The following CHST8 variants were observed in gnomAD, a reference collection of about 807,000 sequenced individuals.
CHST8 encodes the protein GALNAC-4-ST1.
In CHST8, 10 loss-of-function variants were observed where a neutral mutation model predicts 15.0. The observed-to-expected ratio is 0.67, with a 90% confidence interval of 0.41 to 1.13. The LOEUF (loss-of-function observed/expected upper bound fraction) is 1.13, where lower values mean the gene tolerates loss of function less well. Ranked by LOEUF, CHST8 falls within the 50% of genes most tolerant of loss-of-function variation. The pLI, the probability that CHST8 is intolerant of heterozygous loss-of-function variation, is 0.00. For missense variants in CHST8, 634 were observed against 608.2 expected (o/e 1.04, Z -0.45); for synonymous variants, 259 against 256.6 (o/e 1.01, Z -0.09).
chr19:33,727,021 G>A (rs771780016), intron 3 of CHST8, among the ~76,000 whole-genome samples: 8 of 151,852 alleles, frequency 5.3e-5, no homozygotes, highest in Non-Finnish European at 1.0e-4. Flanking sequence ...CACTTTCGCT[G>A]ATGCCTGATC....
intron 2 of CHST8, among the ~76,000 whole-genome samples, chr19:33,678,324 C>G (rs559375436): frequency 6.6e-6 from 1 of 152,296 alleles, no homozygotes; most frequent in East Asian, 1.9e-4. Flanking sequence ...TAAATGAGAC[C>G]TGTTTTTCCA....
chr19:33,660,733 A>G (rs1801741115), intron 1 of CHST8, among the ~76,000 whole-genome samples: 1 of 152,102 alleles, frequency 6.6e-6, no homozygotes, highest in Non-Finnish European at 1.5e-5. Context: ...CCTCCTTTCA[A>G]TTTCAGTTTG....
chr19:33,763,652 G>T (rs981378119), intron 3 of CHST8, among the ~76,000 whole-genome samples: 2 of 152,262 alleles, frequency 1.3e-5, no homozygotes, highest in African/African-American at 4.8e-5. Flanking sequence ...TGAAGCCCTT[G>T]GGTGAGGCTT....
chr19:33,628,469 A>C (rs1972084714), intron 1 of CHST8, among the ~76,000 whole-genome samples: 1 of 152,208 alleles, frequency 6.6e-6, no homozygotes, highest in Admixed American at 6.5e-5. Flanking sequence ...TTCCCCTCAG[A>C]CATTGGTCTG....
intron 3 of CHST8, among the ~76,000 whole-genome samples, chr19:33,748,975 C>T (rs576065387): frequency 1.3e-5 from 2 of 152,122 alleles, no homozygotes; most frequent in African/African-American, 2.4e-5. Context: ...ACCCAACAGG[C>T]GCACACCCCT....
chr19:33,625,707 C>CA (rs2145430685), intron 1 of CHST8, among the ~76,000 whole-genome samples: 1 of 151,952 alleles, frequency 6.6e-6, no homozygotes, highest in East Asian at 2.0e-4. Flanking sequence ...ACTAAAAAGA[C>CA]AAAAATTAGC....
intron 3 of CHST8, among the ~76,000 whole-genome samples, chr19:33,757,478 GA>G (rs58913278): frequency 2.3e-5 from 1 of 42,796 alleles, no homozygotes; most frequent in Non-Finnish European, 4.7e-5. Context: ...AAGAAAGAAA[GA>G]AAGAAAGAAA....
At chr19:33,665,966 T>C (rs1972653148) in intron 1 of CHST8, among the ~76,000 whole-genome samples, 2 of 152,244 alleles carry the variant, frequency 1.3e-5, no homozygotes. Flanking sequence ...TCTCTGCAGC[T>C]GGAGGCCGAA....
intron 3 of CHST8, among the ~76,000 whole-genome samples, chr19:33,758,014 C>T (rs1399891788): frequency 1.3e-5 from 2 of 152,156 alleles, no homozygotes; most frequent in African/African-American, 4.8e-5. Context: ...TGCAGCTATC[C>T]AGACCCTCGG....
intron 1 of CHST8, among the ~76,000 whole-genome samples, chr19:33,635,326 G>A (rs1015259891): frequency 6.6e-6 from 1 of 152,190 alleles, no homozygotes; most frequent in African/African-American, 2.4e-5. Context: ...TACTGGGAAA[G>A]CAGGATGGCC....
intron 3 of CHST8, among the ~76,000 whole-genome samples, chr19:33,705,860 G>C (rs992166659): frequency 2.6e-5 from 4 of 152,176 alleles, no homozygotes; most frequent in African/African-American, 4.8e-5. Context: ...AGGGACCCAA[G>C]AGTCCTGAGA....
intron 1 of CHST8, among the ~76,000 whole-genome samples, chr19:33,625,584 A>C (rs1026901885): frequency 2.6e-4 from 39 of 152,072 alleles, no homozygotes; most frequent in Admixed American, 8.5e-4. Context: ...AAGATCGGCC[A>C]GGCACGGTGG....
At chr19:33,768,598 T>C (rs543363852) in intron 3 of CHST8, among the ~76,000 whole-genome samples, 29 of 152,170 alleles carry the variant, frequency 1.9e-4, no homozygotes, top group African/African-American at 6.7e-4. Context: ...ATAACAGGCA[T>C]GCACCACCAC....
At chr19:33,638,945 G>A (rs1248606029) in intron 1 of CHST8, among the ~76,000 whole-genome samples, 2 of 151,994 alleles carry the variant, frequency 1.3e-5, no homozygotes, top group East Asian at 1.9e-4. Context: ...GCATGGCTGG[G>A]GATCAGAAGA....
At chr19:33,767,771 AG>A (rs1974880798) in intron 3 of CHST8, among the ~76,000 whole-genome samples, 1 of 152,084 alleles carries the variant, frequency 6.6e-6, no homozygotes, top group African/African-American at 2.4e-5. Context: ...ATTCTGTCGC[AG>A]GGGTGGAGGT....
intron 3 of CHST8, among the ~76,000 whole-genome samples, chr19:33,732,148 G>A (rs1440911022): frequency 2.0e-5 from 3 of 152,176 alleles, no homozygotes; most frequent in African/African-American, 7.2e-5. Flanking sequence ...GCCGCCCCCT[G>A]AGGCTCATGA....
intron 2 of CHST8, among the ~76,000 whole-genome samples, chr19:33,670,431 G>A (rs1210445943): frequency 6.6e-6 from 1 of 152,230 alleles, no homozygotes; most frequent in Non-Finnish European, 1.5e-5. Context: ...GGCATACTCA[G>A]CAGACATGAT....
intron 1 of CHST8, among the ~76,000 whole-genome samples, chr19:33,649,878 T>G (rs1053721262): frequency 8.5e-5 from 13 of 152,160 alleles, no homozygotes; most frequent in Admixed American, 6.5e-5. Flanking sequence ...AAGCTGCAAT[T>G]GTTTCAGTAT....
chr19:33,742,077 G>A (rs1380972381), intron 3 of CHST8, among the ~76,000 whole-genome samples: 1 of 152,146 alleles, frequency 6.6e-6, no homozygotes, highest in African/African-American at 2.4e-5. Context: ...AAAAAATCTA[G>A]AAATGTCTGA....
Sources: gnomAD v4.1 joint callset for allele counts (sites outside exome capture counted in the v4.1 genomes callset) on GRCh38, gnomAD v4.1.1 for gene constraint, MANE v1.5 for transcripts, NCBI Gene and HGNC (gene_info 2026-07-23, HGNC 2026-07-21) for gene names.